PRKAR1A: variants seen among roughly 807,000 people sequenced by gnomAD.
The protein encoded by PRKAR1A is cAMP-dependent protein kinase type I-alpha regulatory subunit.
PRKAR1A carries 3 observed loss-of-function variants against 52.0 expected under a neutral mutation model. The observed-to-expected ratio is 0.06, with a 90% confidence interval of 0.03 to 0.15. The LOEUF is 0.15. PRKAR1A is among the 10% of genes least tolerant of loss of function. The pLI, the probability that PRKAR1A is intolerant of heterozygous loss-of-function variation, is 1.00. For missense variants in PRKAR1A, 240 were observed against 477.4 expected (o/e 0.50, Z 4.63); for synonymous variants, 188 against 168.4 (o/e 1.12, Z -0.90).
At chr17:68,446,965 A>G in the PRKAR1A span, among the ~76,000 whole-genome samples, 2 of 152,190 alleles carry the variant, frequency 1.3e-5, no homozygotes, top group African/African-American at 2.4e-5. Flanking sequence ...GTGTGAGAGC[A>G]TGCTTCTGGG....
the PRKAR1A span, among the ~76,000 whole-genome samples, chr17:68,453,884 C>T: frequency 6.6e-6 from 1 of 152,152 alleles, no homozygotes; most frequent in Non-Finnish European, 1.5e-5. Context: ...ACTAGTAGCT[C>T]TCACACCTGG....
In PRKAR1A at chr17:68,523,710, T is replaced by A; in HGVS notation, c.349-15T>A. On this transcript the variant is annotated splice_polypyrimidine_tract_variant and intron_variant, in intron 3 of 10. Coordinates refer to ENST00000589228, the MANE Select transcript of PRKAR1A (RefSeq NM_002734.5). Reference sequence around the variant, plus strand: ...GGTTTATGGAATTGTCATTTGACCTTCAGTTCTTTTCTAGGTTATACCAAA... The same window carrying A: ...GGTTTATGGAATTGTCATTTGACCTACAGTTCTTTTCTAGGTTATACCAAA... 6.3e-7 allele frequency: 1 copy of A among 1,593,212 alleles called. No individual in the cohort carries two copies. The highest frequency in any genetic ancestry group is 8.6e-7 in the Non-Finnish European group (1 of 1,165,978).
downstream of PRKAR1A, chr17:68,536,807 A>G (rs773694730): frequency 5.7e-5 from 26 of 453,882 alleles, no homozygotes; most frequent in Non-Finnish European, 9.7e-5. Flanking sequence ...TGTTATTTCA[A>G]TTGTAATACT....
chr17:68,527,881 T>G lies in PRKAR1A; in HGVS notation c.750T>G (p.Leu250=), dbSNP rs200065002. The G allele has an allele frequency of 7.4e-6, 12 of 1,611,886 alleles. No individual in the cohort carries two copies. The East Asian group carries it at 2.7e-4, about 36-fold the overall frequency. The change falls in exon 8 of 11, where the codon CTT becomes CTG. Residue 250 remains leucine, a synonymous_variant. Transcript: ENST00000589228. ...LRKRKMYEEF[L]SKVSILESLD... ...AGCGGAAGATGTATGAGGAATTCCT[T>G]AGTAAAGTCTCTATTTTAGGTGAGT...
chr17:68,502,103 T>G, the PRKAR1A span, among the ~76,000 whole-genome samples: 2 of 152,198 alleles, frequency 1.3e-5, no homozygotes, highest in Non-Finnish European at 2.9e-5. Flanking sequence ...TCCTGAGAAG[T>G]GTTCAGGCTC....
Position 68,533,285 on chromosome 17 carries a change from A to C in PRKAR1A, c.*2836A>C. 1 of 1,064,152 alleles carries C rather than the reference A, an allele frequency of 9.4e-7. No individual in the cohort carries two copies. Among genetic ancestry groups the C allele is most frequent in the Non-Finnish European group, 1.1e-6 (1 of 878,456 alleles). 65.9% of individuals were successfully genotyped at this position (1,064,152 alleles called of 1,614,324 possible). A position where few individuals can be genotyped will look rare whatever the true frequency, so the allele number is the denominator to read the frequency against. On this transcript the variant is annotated 3_prime_UTR_variant, in exon 11 of 11. Transcript: ENST00000589228. Reference sequence around the variant, plus strand: ...ATTGGTATTTCTTCACATCCAGTGAAATTGGAGATATGTTGTATGTTAGAA... The same window carrying C: ...ATTGGTATTTCTTCACATCCAGTGACATTGGAGATATGTTGTATGTTAGAA...
the PRKAR1A span, among the ~76,000 whole-genome samples, chr17:68,439,923 TG>T: frequency 5.4e-3 from 822 of 152,314 alleles, 28 homozygotes; most frequent in East Asian, 0.095. Context: ...TAAGCAGTCT[TG>T]GAGCAGAAGC....
At chr17:68,451,047 T>C in the PRKAR1A span, 5 of 1,102,514 alleles carry the variant, frequency 4.5e-6, no homozygotes, top group Non-Finnish European at 6.3e-6. Flanking sequence ...GCATTGACAG[T>C]GATCCACCAT....
the PRKAR1A span, among the ~76,000 whole-genome samples, chr17:68,472,397 C>T: frequency 7.2e-5 from 11 of 152,170 alleles, no homozygotes; most frequent in Middle Eastern, 3.2e-3. Flanking sequence ...TTTCCTGCTC[C>T]GGGCGTGTGA....
At chr17:68,438,707 TC>T in the PRKAR1A span, among the ~76,000 whole-genome samples, 1 of 152,220 alleles carries the variant, frequency 6.6e-6, no homozygotes, top group African/African-American at 2.4e-5. Flanking sequence ...TTCAAGCGAT[TC>T]TCCTGTCTCA....
the PRKAR1A span, among the ~76,000 whole-genome samples, chr17:68,487,633 T>G: frequency 6.6e-6 from 1 of 151,968 alleles, no homozygotes; most frequent in Non-Finnish European, 1.5e-5. Flanking sequence ...AAACCCCATC[T>G]TTACTAAAAA....
chr17:68,538,511 A>G (rs1287528912), intron 11 of PRKAR1A, among the ~76,000 whole-genome samples: 2 of 152,234 alleles, frequency 1.3e-5, no homozygotes, highest in Non-Finnish European at 1.5e-5. Context: ...CAGGTGGTCA[A>G]TTTTACAAGC....
At chr17:68,448,969 T>C in the PRKAR1A span, among the ~76,000 whole-genome samples, 1 of 152,234 alleles carries the variant, frequency 6.6e-6, no homozygotes, top group Non-Finnish European at 1.5e-5. Context: ...CAGCTATTTT[T>C]CACCGCACTG....
In PRKAR1A at chr17:68,532,796, C is replaced by G; in HGVS notation, c.*2347C>G. ...TGAATCAGTTTTTCTTCCCTTTCTC[C>G]TTTCCGTCTTTCCTCTCTCTGTCCT... On this transcript the variant is annotated 3_prime_UTR_variant, in exon 11 of 11. Transcript: ENST00000589228. 9.4e-7 allele frequency: 1 copy of G among 1,066,412 alleles called. No individual in the cohort carries two copies. Among genetic ancestry groups the G allele is most frequent in the Non-Finnish European group, 1.1e-6 (1 of 879,772 alleles). The allele number at this position is 1,066,412 out of a possible 1,614,324, so 66.1% of individuals were successfully genotyped here. A position where few individuals can be genotyped will look rare whatever the true frequency, so the allele number is the denominator to read the frequency against.
intron 11 of PRKAR1A, among the ~76,000 whole-genome samples, chr17:68,548,121 G>A (rs980772373): frequency 6.6e-6 from 1 of 152,188 alleles, no homozygotes; most frequent in Non-Finnish European, 1.5e-5. Flanking sequence ...TAGGCCAGGT[G>A]CAGTGGCTCA....
At chr17:68,542,573 CGCCCATCCCAG>C in intron 11 of PRKAR1A, 1 of 789,746 alleles carries the variant, frequency 1.3e-6, no homozygotes, top group Non-Finnish European at 2.2e-6. Context: ...CAACTTCATA[CGCCCATCCCAG>C]TAATGGATAG....
chr17:68,448,406 T>A, the PRKAR1A span: 3 of 152,240 alleles, frequency 2.0e-5, no homozygotes, highest in Non-Finnish European at 4.4e-5. Flanking sequence ...CGACGTTAGA[T>A]CTTGGTTCCG....
chr17:68,424,044 T>G, the PRKAR1A span, among the ~76,000 whole-genome samples: 4 of 152,170 alleles, frequency 2.6e-5, no homozygotes, highest in Non-Finnish European at 5.9e-5. Flanking sequence ...AAGCCTCGAC[T>G]TCAGGTAAAT....
the PRKAR1A span, chr17:68,450,787 T>C: frequency 6.2e-7 from 1 of 1,614,004 alleles, no homozygotes; most frequent in East Asian, 2.2e-5. Context: ...CAGATCTCTG[T>C]GCCTTTCTTG....
Sources: allele counts gnomAD v4.1 joint callset (sites outside exome capture counted in the v4.1 genomes callset), GRCh38; gene constraint gnomAD v4.1.1; transcripts MANE v1.5; gene names NCBI Gene and HGNC (gene_info 2026-07-23, HGNC 2026-07-21).